Variants in ATP2B2 observed in about 807,000 individuals in gnomAD.
ATP2B2 encodes ATPase plasma membrane Ca2+ transporting 2, also known as plasma membrane calcium-transporting ATPase 2.
A neutral mutation model predicts 120.0 loss-of-function variants in ATP2B2; 15 were observed. The observed-to-expected ratio is 0.12, with a 90% CI of 0.08 to 0.19. The LOEUF (loss-of-function observed/expected upper bound fraction) is 0.19. ATP2B2 is among the 10% of genes least tolerant of loss of function. The pLI is 1.00. For missense variants in ATP2B2, 1,045 were observed against 1,719.8 expected, an observed-to-expected ratio of 0.61 and a Z score of 6.94; for synonymous variants, 694 against 700.3, an observed-to-expected ratio of 0.99 and a Z score of 0.14.
intron 2 of ATP2B2, among the ~76,000 whole-genome samples, chr3:10,428,181 G>C (rs977728231): frequency 6.6e-6 from 1 of 152,188 alleles, no homozygotes; most frequent in Non-Finnish European, 1.5e-5. Context: ...CTGAAAAAAG[G>C]GGATTATACT....
At chr3:10,619,035 G>A (rs539135372) in intron 2 of ATP2B2, among the ~76,000 whole-genome samples, 2 of 152,252 alleles carry the variant, frequency 1.3e-5, no homozygotes, top group East Asian at 3.9e-4. Flanking sequence ...AGCCTAGGAA[G>A]GAAGCCAGTT....
At chr3:10,504,078 A>C (rs1009791017) in intron 1 of ATP2B2, among the ~76,000 whole-genome samples, 3 of 152,130 alleles carry the variant, frequency 2.0e-5, no homozygotes, top group Non-Finnish European at 4.4e-5. Flanking sequence ...ATATGTGTGA[A>C]TTTGTGGGCA....
At chr3:10,494,850 T>C (rs1474065466) in intron 1 of ATP2B2, among the ~76,000 whole-genome samples, 1 of 152,198 alleles carries the variant, frequency 6.6e-6, no homozygotes, top group Non-Finnish European at 1.5e-5. Context: ...ACAATGGCTA[T>C]GGTCATTTCC....
intron 1 of ATP2B2, among the ~76,000 whole-genome samples, chr3:10,463,145 C>G (rs2064568902): frequency 6.6e-6 from 1 of 152,156 alleles, no homozygotes; most frequent in Non-Finnish European, 1.5e-5. Flanking sequence ...ACTCTCTTCC[C>G]TCTGCCAGCC....
chr3:10,673,352 C>G (rs183706366), intron 1 of ATP2B2, among the ~76,000 whole-genome samples: 32 of 151,424 alleles, frequency 2.1e-4, no homozygotes, highest in African/African-American at 7.8e-4. Flanking sequence ...GGTAGTTCTT[C>G]AAGGGTCCTC....
At chr3:10,451,337 G>A (rs183929593) in intron 1 of ATP2B2, among the ~76,000 whole-genome samples, 9 of 152,242 alleles carry the variant, frequency 5.9e-5, no homozygotes, top group South Asian at 2.1e-4. Context: ...AGCGATTTGC[G>A]TTCAAATCCT....
intron 1 of ATP2B2, among the ~76,000 whole-genome samples, chr3:10,493,503 G>A (rs2066014112): frequency 6.6e-6 from 1 of 152,302 alleles, no homozygotes; most frequent in Admixed American, 6.5e-5. Flanking sequence ...CTTACAGGCT[G>A]CAGAAAGGAG....
intron 1 of ATP2B2, among the ~76,000 whole-genome samples, chr3:10,662,609 T>C (rs1406669679): frequency 6.6e-6 from 1 of 150,696 alleles, no homozygotes; most frequent in Non-Finnish European, 1.5e-5. Flanking sequence ...CTGGAGAGGA[T>C]GTAGAGAAAT....
At chr3:10,396,810 A>G (rs1285958184) in intron 5 of ATP2B2, among the ~76,000 whole-genome samples, 1 of 152,082 alleles carries the variant, frequency 6.6e-6, no homozygotes, top group Non-Finnish European at 1.5e-5. Context: ...TGGAGGTTCC[A>G]GATTTCAACA....
intron 1 of ATP2B2, among the ~76,000 whole-genome samples, chr3:10,660,706 C>G (rs2070757058): frequency 6.6e-6 from 1 of 152,182 alleles, no homozygotes; most frequent in Non-Finnish European, 1.5e-5. Context: ...TGAAACTATT[C>G]CAATCAATAG....
intron 2 of ATP2B2, among the ~76,000 whole-genome samples, chr3:10,577,403 C>T (rs557578446): frequency 2.0e-5 from 3 of 152,140 alleles, no homozygotes; most frequent in Non-Finnish European, 4.4e-5. Flanking sequence ...CAGTGTCACC[C>T]GGCAAGACAG....
intron 2 of ATP2B2, among the ~76,000 whole-genome samples, chr3:10,619,299 C>T (rs1239341284): frequency 6.6e-6 from 1 of 152,112 alleles, no homozygotes; most frequent in Non-Finnish European, 1.5e-5. Context: ...GACTGTGGTC[C>T]CAGAGCCAGC....
At chr3:10,675,695 C>T (rs1265795785) in intron 1 of ATP2B2, among the ~76,000 whole-genome samples, 1 of 152,166 alleles carries the variant, frequency 6.6e-6, no homozygotes, top group African/African-American at 2.4e-5. Context: ...CTGGGCCACC[C>T]ACCAGTCTCT....
At chr3:10,358,408 A>G (rs1185071390) in intron 14 of ATP2B2, among the ~76,000 whole-genome samples, 2 of 152,190 alleles carry the variant, frequency 1.3e-5, no homozygotes, top group Non-Finnish European at 2.9e-5. Context: ...CAGAGGGAAG[A>G]GCTCATGGTG....
intron 2 of ATP2B2, among the ~76,000 whole-genome samples, chr3:10,547,514 G>A (rs1170726111): frequency 1.3e-5 from 2 of 152,146 alleles, no homozygotes; most frequent in Admixed American, 6.5e-5. Flanking sequence ...GACAATGGTC[G>A]TATCTCCCGC....
chr3:10,653,177 GCAA>G (rs1449064128), intron 1 of ATP2B2, among the ~76,000 whole-genome samples: 1 of 152,118 alleles, frequency 6.6e-6, no homozygotes, highest in Non-Finnish European at 1.5e-5. Flanking sequence ...TATTTCTAAG[GCAA>G]GCCCCAGAGC....
At chr3:10,367,957 G>A (rs963692375) in intron 12 of ATP2B2, among the ~76,000 whole-genome samples, 3 of 152,330 alleles carry the variant, frequency 2.0e-5, no homozygotes, top group Middle Eastern at 3.4e-3. Flanking sequence ...CAGGTGATGA[G>A]TGTTGGGGCT....
chr3:10,563,287 C>T (rs2067942402), intron 2 of ATP2B2, among the ~76,000 whole-genome samples: 1 of 152,170 alleles, frequency 6.6e-6, no homozygotes, highest in Non-Finnish European at 1.5e-5. Context: ...CATGGTCACA[C>T]TGCTGAGCAG....
chr3:10,664,270 G>A (rs2070866792), intron 1 of ATP2B2, among the ~76,000 whole-genome samples: 2 of 152,044 alleles, frequency 1.3e-5, no homozygotes, highest in South Asian at 2.1e-4. Context: ...ACCACTTCCT[G>A]GAAGCCCCCT....
Sources: gnomAD v4.1 joint callset for allele counts (sites outside exome capture counted in the v4.1 genomes callset) on GRCh38, gnomAD v4.1.1 for gene constraint, MANE v1.5 for transcripts, NCBI Gene and HGNC (gene_info 2026-07-23, HGNC 2026-07-21) for gene names.